LINGO1: variants seen among roughly 807,000 people sequenced by gnomAD.
LINGO1 encodes leucine rich repeat and Ig domain containing 1.
In LINGO1, 11 loss-of-function variants were observed where a neutral mutation model predicts 37.3. The observed-to-expected ratio is 0.29, with a 90% CI of 0.19 to 0.49. The LOEUF is 0.49. Ranked by LOEUF, LINGO1 falls within the 20% of genes least tolerant of loss-of-function variation. The pLI, the probability that LINGO1 is intolerant of heterozygous loss-of-function variation, is 0.99. For synonymous variants in LINGO1, 387 were observed against 403.0 expected (o/e 0.96, Z 0.48); for missense variants, 585 against 878.2 (o/e 0.67, Z 4.22).
chr15:77,762,298 A>C (rs145496232), intron 1 of LINGO1, among the ~76,000 whole-genome samples: 5 of 152,236 alleles, frequency 3.3e-5, no homozygotes, highest in Admixed American at 6.5e-5. Context: ...GGTACACACC[A>C]AGCACATGTG....
intron 1 of LINGO1, among the ~76,000 whole-genome samples, chr15:77,776,488 A>AGCAGGAAGGGAGGAAGGCAGGAAG (rs2076646796): frequency 2.2e-5 from 2 of 90,636 alleles, no homozygotes; most frequent in Non-Finnish European, 4.2e-5. Flanking sequence ...AAGGCAGGAA[A>AGCAGGAAGGGAGGAAGGCAGGAAG]GCAGGAAGGC....
chr15:77,632,994 G>A (rs978104686), upstream of LINGO1, among the ~76,000 whole-genome samples: 2 of 151,120 alleles, frequency 1.3e-5, no homozygotes, highest in Non-Finnish European at 3.0e-5. This position sits in a 1 kb window ranked among gnomAD's most constrained non-coding sequence, Gnocchi z 6.0. Context: ...AGGAGAAGGC[G>A]CGGCCGCAAA....
At chr15:77,685,146 C>T (rs1436408223) in intron 2 of LINGO1, among the ~76,000 whole-genome samples, 3 of 108,948 alleles carry the variant, frequency 2.8e-5, no homozygotes, top group South Asian at 6.8e-4. Flanking sequence ...AGGTGGGAAG[C>T]TGCAGGGGAT....
intron 3 of LINGO1, among the ~76,000 whole-genome samples, chr15:77,645,493 C>T (rs1316718458): frequency 6.6e-6 from 1 of 152,224 alleles, no homozygotes; most frequent in Non-Finnish European, 1.5e-5. Flanking sequence ...GAAGGTAGAG[C>T]GAGGTGGACG....
At chr15:77,696,228 G>A (rs747616330) in intron 1 of LINGO1, 1 of 152,248 alleles carries the variant, frequency 6.6e-6, no homozygotes, top group South Asian at 2.1e-4. Context: ...GGTGGGGAGG[G>A]GGGAGCAGGA....
chr15:77,685,428 G>A (rs1432935624), intron 2 of LINGO1, among the ~76,000 whole-genome samples: 1 of 152,174 alleles, frequency 6.6e-6, no homozygotes, highest in East Asian at 1.9e-4. Context: ...AGGAACCCAG[G>A]GAGGCAGTGG....
chr15:77,753,701 T>C (rs1269516436), intron 1 of LINGO1, among the ~76,000 whole-genome samples: 2 of 152,098 alleles, frequency 1.3e-5, no homozygotes, highest in Non-Finnish European at 2.9e-5. Context: ...CACAAAGCCA[T>C]ATTGAGAACA....
intron 3 of LINGO1, among the ~76,000 whole-genome samples, chr15:77,673,652 C>A (rs1470367939): frequency 1.3e-5 from 2 of 152,192 alleles, no homozygotes; most frequent in African/African-American, 2.4e-5. Context: ...GGACATTGGT[C>A]TTTTCTGTCT....
At chr15:77,733,503 C>T (rs2076173295) in intron 2 of LINGO1, among the ~76,000 whole-genome samples, 1 of 152,206 alleles carries the variant, frequency 6.6e-6, no homozygotes, top group African/African-American at 2.4e-5. Flanking sequence ...AACCATAGCC[C>T]TCCTCTCAGG....
At chr15:77,742,576 C>T (rs1180077362) in intron 1 of LINGO1, among the ~76,000 whole-genome samples, 13 of 152,206 alleles carry the variant, frequency 8.5e-5, no homozygotes, top group Non-Finnish European at 2.9e-5. Flanking sequence ...CCATGAGAGC[C>T]AGAGACAGAG....
At chr15:77,817,107 C>T (rs1479704116) in intron 1 of LINGO1, among the ~76,000 whole-genome samples, 2 of 152,226 alleles carry the variant, frequency 1.3e-5, no homozygotes, top group African/African-American at 4.8e-5. Context: ...GAGGAGGCCA[C>T]CGCCAGGATC....
intron 2 of LINGO1, among the ~76,000 whole-genome samples, chr15:77,727,227 G>A (rs748128568): frequency 6.6e-6 from 1 of 152,196 alleles, no homozygotes; most frequent in Non-Finnish European, 1.5e-5. Context: ...GTGTGTGTAT[G>A]TGTGTGCATA....
chr15:77,782,147 A>C (rs1311029070), intron 1 of LINGO1, among the ~76,000 whole-genome samples: 1 of 152,146 alleles, frequency 6.6e-6, no homozygotes, highest in Non-Finnish European at 1.5e-5. Context: ...GGTGGGTTGA[A>C]TACTTGTTAA....
chr15:77,808,082 C>G (rs949340268), intron 1 of LINGO1, among the ~76,000 whole-genome samples: 3 of 152,024 alleles, frequency 2.0e-5, no homozygotes, highest in African/African-American at 7.2e-5. Flanking sequence ...CCCCCAGCTG[C>G]CCCCTGCTCG....
At chr15:77,648,782 G>A (rs2074693465) in intron 3 of LINGO1, 1 of 152,240 alleles carries the variant, frequency 6.6e-6, no homozygotes, top group South Asian at 2.1e-4. Context: ...CATTTCCCAA[G>A]GGTCACCCCT....
At chr15:77,679,650 C>T (rs1461792546) in intron 2 of LINGO1, among the ~76,000 whole-genome samples, 1 of 152,200 alleles carries the variant, frequency 6.6e-6, no homozygotes, top group African/African-American at 2.4e-5. Context: ...GGGGCTGAGC[C>T]AGTCCTTGAT....
At chr15:77,683,153 A>G (rs2075446131) in intron 2 of LINGO1, among the ~76,000 whole-genome samples, 1 of 152,256 alleles carries the variant, frequency 6.6e-6, no homozygotes, top group South Asian at 2.1e-4. Context: ...GCTGGGGAGA[A>G]GCAGAGTGAG....
intron 1 of LINGO1, among the ~76,000 whole-genome samples, chr15:77,756,056 T>C (rs1365639699): frequency 1.4e-5 from 2 of 142,682 alleles, no homozygotes; most frequent in African/African-American, 3.1e-5. Context: ...TGGCAGGGTG[T>C]TGAGGCCAGG....
At chr15:77,702,682 C>T (rs1015153458) in intron 2 of LINGO1, among the ~76,000 whole-genome samples, 4 of 152,128 alleles carry the variant, frequency 2.6e-5, no homozygotes, top group East Asian at 1.9e-4. Context: ...TTCAGCACCC[C>T]GGACAGCTGC....
Sources: gnomAD v4.1 joint callset for allele counts (sites outside exome capture counted in the v4.1 genomes callset) on GRCh38, gnomAD v4.1.1 for gene constraint, Gnocchi (gnomAD v3.1) non-coding constraint, MANE v1.5 for transcripts, NCBI Gene and HGNC (gene_info 2026-07-23, HGNC 2026-07-21) for gene names.